Variants in RNF170 observed in about 807,000 individuals in gnomAD.
RNF170 encodes ring finger protein 170.
RNF170 carries 12 observed loss-of-function variants against 32.7 expected under a neutral mutation model. The observed-to-expected ratio is 0.37, with a 90% CI of 0.24 to 0.60. The LOEUF (loss-of-function observed/expected upper bound fraction) is 0.60. Among genes scored for constraint, RNF170 ranks in the 20% least tolerant of loss-of-function variants. RNF170 has a pLI of 0.72. For missense variants in RNF170, 212 were observed against 311.2 expected, an observed-to-expected ratio of 0.68 and a Z score of 2.40; for synonymous variants, 91 against 103.6, an observed-to-expected ratio of 0.88 and a Z score of 0.74.
chr8:42,875,939 A>G (rs988541224), intron 2 of RNF170, among the ~76,000 whole-genome samples: 10 of 152,320 alleles, frequency 6.6e-5, no homozygotes, highest in Middle Eastern at 3.4e-3. Context: ...GATTGAACAG[A>G]TGATCTGTGA....
At chr8:42,869,955 G>A (rs761691243) in intron 4 of RNF170, 49 bp downstream of exon 4, 2 of 1,313,774 alleles carry the variant, frequency 1.5e-6, no homozygotes, top group South Asian at 2.4e-5. Context: ...ACACATAGAG[G>A]TCTTGGTCTA....
chr8:42,862,727 C>G (rs1158366802), intron 5 of RNF170, among the ~76,000 whole-genome samples: 2 of 152,200 alleles, frequency 1.3e-5, no homozygotes, highest in Non-Finnish European at 2.9e-5. Flanking sequence ...ACAGCAGGTG[C>G]AGCCATCACT....
rs1036610639 is a variant in RNF170, at chr8:42,853,894, G to C, written c.*2265C>G. 1.1e-5 allele frequency: 14 copies of C among 1,286,860 alleles called. No homozygotes were observed. The highest frequency in any genetic ancestry group is 1.4e-5 in the Non-Finnish European group (14 of 988,422). The allele number at this position is 1,286,860 out of a possible 1,614,324, so 79.7% of individuals were successfully genotyped here. On this transcript the variant is annotated 3_prime_UTR_variant, in exon 7 of 7. Transcript: ENST00000527424. ...ATACACCTCTTTCAGGAAAGTCTTA[G>C]TAGTAACTCCAAATATTATAATTAT...
downstream of RNF170, chr8:42,851,035 T>G (rs1225670266): frequency 1.9e-6 from 3 of 1,548,294 alleles, no homozygotes; most frequent in Non-Finnish European, 2.6e-6. Context: ...TAAAAATGTT[T>G]GTTAGATCAT....
downstream of RNF170, among the ~76,000 whole-genome samples, chr8:42,851,713 C>T (rs1397919548): frequency 6.6e-6 from 1 of 151,304 alleles, no homozygotes; most frequent in East Asian, 2.0e-4. Flanking sequence ...CCACAAGGCT[C>T]ACCACAGCCT....
upstream of RNF170, chr8:42,896,757 G>GGCGGCGGCGGCGGCGGCGGC (rs902745314): frequency 6.9e-6 from 1 of 144,542 alleles, no homozygotes; most frequent in Non-Finnish European, 1.5e-5. Flanking sequence ...CAGCGGCGGC[G>GGCGGCGGCGGCGGCGGCGGC]GCGGCGGCGG....
In RNF170 at chr8:42,854,001, C is replaced by A; in HGVS notation, c.*2158G>T. 7.8e-7 allele frequency: 1 copy of A among 1,287,182 alleles called. No individual in the cohort carries two copies. Among genetic ancestry groups the A allele is most frequent in the African/African-American group, 1.5e-5 (1 of 65,916 alleles). The allele number at this position is 1,287,182 out of a possible 1,614,324, so 79.7% of individuals were successfully genotyped here. A position where few individuals can be genotyped will look rare whatever the true frequency, so the allele number is the denominator to read the frequency against. On this transcript the variant is annotated 3_prime_UTR_variant, in exon 7 of 7. Coordinates refer to ENST00000527424, the MANE Select transcript of RNF170 (RefSeq NM_030954.4). ...TCAAAAAATGACATCACCATTCCCCCACACCAAATGTGTAATTGGTAGGAA... is the reference window on the plus strand; with the variant it reads ...TCAAAAAATGACATCACCATTCCCCAACACCAAATGTGTAATTGGTAGGAA...
intron 2 of RNF170, among the ~76,000 whole-genome samples, chr8:42,875,127 C>T (rs142182646): frequency 0.026 from 3,866 of 147,854 alleles, 75 homozygotes; most frequent in South Asian, 0.11. Flanking sequence ...TCTGAGATCA[C>T]GCCATTGCAC....
At chr8:42,896,393 G>A (rs1023192641) in intron 1 of RNF170, 91 bp downstream of exon 1, 1 of 444,292 alleles carries the variant, frequency 2.3e-6, no homozygotes, top group South Asian at 1.6e-5. Context: ...GAGCCTCGGC[G>A]GCCAGAGCTA....
At chr8:42,876,397 A>AT (rs1293410245) in intron 2 of RNF170, among the ~76,000 whole-genome samples, 1 of 151,780 alleles carries the variant, frequency 6.6e-6, no homozygotes, top group Non-Finnish European at 1.5e-5. Flanking sequence ...TTGGGAGGTA[A>AT]TTAGGTCATG....
chr8:42,863,826 G>A (rs1461550571), intron 5 of RNF170, among the ~76,000 whole-genome samples: 3 of 152,078 alleles, frequency 2.0e-5, no homozygotes, highest in African/African-American at 7.2e-5. Context: ...CTGACCATGT[G>A]GCCACAAGTA....
intron 3 of RNF170, among the ~76,000 whole-genome samples, chr8:42,872,435 T>C (rs1267936936): frequency 2.0e-5 from 3 of 152,190 alleles, no homozygotes; most frequent in East Asian, 3.8e-4. Flanking sequence ...GTACTACTAA[T>C]AGGCTTAAAC....
intron 2 of RNF170, among the ~76,000 whole-genome samples, chr8:42,885,698 T>C (rs528945280): frequency 2.0e-5 from 3 of 152,348 alleles, no homozygotes; most frequent in South Asian, 2.1e-4. Context: ...ATAAACCTTT[T>C]GGCCATTTGT....
intron 3 of RNF170, among the ~76,000 whole-genome samples, chr8:42,871,168 C>A (rs1804496821): frequency 6.6e-6 from 1 of 152,028 alleles, no homozygotes; most frequent in Non-Finnish European, 1.5e-5. Flanking sequence ...CGAGATCACA[C>A]CGCTATACTC....
intron 1 of RNF170, among the ~76,000 whole-genome samples, chr8:42,890,096 T>C (rs1322010612): frequency 6.6e-6 from 1 of 152,136 alleles, no homozygotes; most frequent in Non-Finnish European, 1.5e-5. Flanking sequence ...TTTTCCTCTA[T>C]GCTATACATT....
rs774332323 is a variant in RNF170, at chr8:42,854,420, A to C, written c.*1739T>G. 12 of 1,287,130 alleles carry C rather than the reference A, an allele frequency of 9.3e-6. No homozygotes were observed. Among genetic ancestry groups the C allele is most frequent in the Non-Finnish European group, 1.2e-5 (12 of 988,708 alleles). The allele number at this position is 1,287,130 out of a possible 1,614,324, so 79.7% of individuals were successfully genotyped here. On this transcript the variant is annotated 3_prime_UTR_variant, in exon 7 of 7. Coordinates refer to ENST00000527424, the MANE Select transcript of RNF170 (RefSeq NM_030954.4). ...CATCAATAGCATGGGGATTGTATCT[A>C]TGAAAGGGAAGTTGGTGTCCTGCGT...
In RNF170 at chr8:42,853,897, G is replaced by GAC. The variant is rs1803043809; in HGVS notation, c.*2261_*2262insGT. 1 of 1,286,852 alleles carries GAC rather than the reference G, an allele frequency of 7.8e-7. No homozygotes were observed. The highest frequency in any genetic ancestry group is 1.0e-6 in the Non-Finnish European group (1 of 988,486). The allele number at this position is 1,286,852 out of a possible 1,614,324, so 79.7% of individuals were successfully genotyped here. On this transcript the variant is annotated 3_prime_UTR_variant, in exon 7 of 7. Transcript: ENST00000527424. ...CACCTCTTTCAGGAAAGTCTTAGTA[G>GAC]TAACTCCAAATATTATAATTATTGT...
intron 1 of RNF170, chr8:42,889,409 A>T (rs1204851903): frequency 6.6e-6 from 1 of 152,202 alleles, no homozygotes; most frequent in Non-Finnish European, 1.5e-5. Flanking sequence ...AAGTCTTATA[A>T]GACACCTAAA....
chr8:42,884,136 A>G (rs1401189043), intron 2 of RNF170, among the ~76,000 whole-genome samples: 1 of 151,872 alleles, frequency 6.6e-6, no homozygotes, highest in African/African-American at 2.4e-5. Flanking sequence ...GCTGGAGTAC[A>G]GTGGCGTGAT....
Sources: gnomAD v4.1 joint callset for allele counts (sites outside exome capture counted in the v4.1 genomes callset) on GRCh38, gnomAD v4.1.1 for gene constraint, MANE v1.5 for transcripts, NCBI Gene and HGNC (gene_info 2026-07-23, HGNC 2026-07-21) for gene names.